CORO1C: variants seen among roughly 807,000 people sequenced by gnomAD.
CORO1C encodes the protein coronin 1C, also known as coronin-1C.
A neutral mutation model predicts 51.2 loss-of-function variants in CORO1C; 14 were observed. That is an observed-to-expected ratio of 0.27 (90% CI 0.18 to 0.43). CORO1C has a LOEUF of 0.43. CORO1C is among the 20% of genes least tolerant of loss of function. The probability of loss-of-function intolerance (pLI) is 1.00; values close to 1 mark genes in which losing one functional copy is unlikely to be tolerated. For missense variants in CORO1C, 417 were observed against 607.8 expected, an observed-to-expected ratio of 0.69 and a Z score of 3.30; for synonymous variants, 181 against 210.5, an observed-to-expected ratio of 0.86 and a Z score of 1.21.
chr12:108,702,685 G>A (rs2034910768), intron 1 of CORO1C: 6 of 1,177,070 alleles, frequency 5.1e-6, no homozygotes, highest in African/African-American at 4.7e-5. Flanking sequence ...CATGCCAGAC[G>A]AGACACATGG....
chr12:108,715,761 A>C (rs899622427), intron 1 of CORO1C, among the ~76,000 whole-genome samples: 2 of 151,540 alleles, frequency 1.3e-5, no homozygotes, highest in Non-Finnish European at 2.9e-5. Flanking sequence ...CAACTCAAAG[A>C]GCCAAATTAA....
At chr12:108,657,219 A>G (rs2033065408) in intron 6 of CORO1C, 85 bp downstream of exon 6, 3 of 1,508,676 alleles carry the variant, frequency 2.0e-6, no homozygotes, top group Non-Finnish European at 1.8e-6. Flanking sequence ...TAAGAATCCC[A>G]TAATCTACTT....
At chr12:108,654,432 T>TACATAC in intron 6 of CORO1C, 22 bp from the exon 7 acceptor site, 2 of 1,330,232 alleles carry the variant, frequency 1.5e-6, no homozygotes, top group Non-Finnish European at 2.2e-6. Flanking sequence ...ATAATAATAA[T>TACATAC]ACATATATGT....
chr12:108,674,144 A>G (rs2033816148), intron 3 of CORO1C, among the ~76,000 whole-genome samples: 1 of 152,238 alleles, frequency 6.6e-6, no homozygotes, highest in South Asian at 2.1e-4. Context: ...GCTAACATCA[A>G]TTCTGCAGCC....
At chr12:108,722,711 G>A (rs1041538060) in intron 1 of CORO1C, among the ~76,000 whole-genome samples, 1 of 152,160 alleles carries the variant, frequency 6.6e-6, no homozygotes, top group Non-Finnish European at 1.5e-5. Flanking sequence ...TTGAGTTGGG[G>A]ACCAAATGTA....
intron 1 of CORO1C, among the ~76,000 whole-genome samples, chr12:108,716,771 C>A (rs1330431111): frequency 6.6e-6 from 1 of 152,210 alleles, no homozygotes; most frequent in Non-Finnish European, 1.5e-5. Context: ...CCCAGTAAAA[C>A]AGACACAACT....
At chr12:108,669,401 CATTACAAAAA>C (rs2033624240) in intron 3 of CORO1C, among the ~76,000 whole-genome samples, 1 of 152,104 alleles carries the variant, frequency 6.6e-6, no homozygotes, top group Non-Finnish European at 1.5e-5. Flanking sequence ...TCAAAATCCC[CATTACAAAAA>C]ATAACAGTCC....
At chr12:108,726,465 C>A (rs1392149704) in intron 1 of CORO1C, among the ~76,000 whole-genome samples, 1 of 150,774 alleles carries the variant, frequency 6.6e-6, no homozygotes, top group African/African-American at 2.4e-5. Flanking sequence ...CAAAATATAA[C>A]TAAAGAATAC....
intron 2 of CORO1C, among the ~76,000 whole-genome samples, chr12:108,699,487 A>G (rs958232294): frequency 6.6e-6 from 1 of 152,264 alleles, no homozygotes; most frequent in African/African-American, 2.4e-5. Flanking sequence ...AAGGGGAAAT[A>G]AAAACTCGTA....
intron 1 of CORO1C, among the ~76,000 whole-genome samples, chr12:108,729,390 T>C (rs562881077): frequency 1.9e-3 from 259 of 135,992 alleles, no homozygotes; most frequent in African/African-American, 6.2e-3. Flanking sequence ...GTTTCATCGG[T>C]ATGTATCTAT....
intron 3 of CORO1C, among the ~76,000 whole-genome samples, chr12:108,676,267 A>G (rs2033906354): frequency 6.6e-6 from 1 of 152,178 alleles, no homozygotes; most frequent in African/African-American, 2.4e-5. Flanking sequence ...ACTTTTTGAC[A>G]TGGAAGGTGG....
In CORO1C at chr12:108,647,302, G is replaced by T; in HGVS notation, c.*101C>A. The T allele has an allele frequency of 9.6e-7, 1 of 1,043,412 alleles. No individual in the cohort carries two copies. The highest frequency in any genetic ancestry group is 1.4e-6 in the Non-Finnish European group (1 of 738,084). The allele number at this position is 1,043,412 out of a possible 1,614,324, so 64.6% of individuals were successfully genotyped here. A position where few individuals can be genotyped will look rare whatever the true frequency, so the allele number is the denominator to read the frequency against. ...ATCTGAAATGGAATGTCTCCAAATG[G>T]CAGTGCCTCCCTTTCCGCCCTCCCT... On this transcript the variant is annotated 3_prime_UTR_variant, in exon 11 of 11. Transcript: ENST00000261401.
intron 1 of CORO1C, chr12:108,730,063 A>C (rs1253287461): frequency 6.6e-6 from 1 of 152,252 alleles, no homozygotes; most frequent in Non-Finnish European, 1.5e-5. Flanking sequence ...TATATTCGCC[A>C]CCCAGGACCA....
intron 1 of CORO1C, among the ~76,000 whole-genome samples, chr12:108,718,967 A>G (rs2035408415): frequency 6.6e-6 from 1 of 152,226 alleles, no homozygotes; most frequent in Admixed American, 6.5e-5. Context: ...AGGGAAGTGA[A>G]GACAAATAAA....
At chr12:108,656,925 G>A (rs1430715981) in intron 6 of CORO1C, among the ~76,000 whole-genome samples, 1 of 152,090 alleles carries the variant, frequency 6.6e-6, no homozygotes, top group Non-Finnish European at 1.5e-5. Flanking sequence ...AGGCCGCAGG[G>A]TCCTCTCCCT....
chr12:108,729,964 C>T (rs183547614), intron 1 of CORO1C, among the ~76,000 whole-genome samples: 33 of 152,254 alleles, frequency 2.2e-4, no homozygotes, highest in African/African-American at 7.9e-4. Flanking sequence ...ACTAAGAGCC[C>T]TACAAGTACT....
chr12:108,700,526 A>G (rs2034833836), intron 2 of CORO1C, among the ~76,000 whole-genome samples: 2 of 152,168 alleles, frequency 1.3e-5, no homozygotes, highest in South Asian at 2.1e-4. Flanking sequence ...AACCATTCTC[A>G]GTAAAGATCT....
chr12:108,697,883 A>C (rs2136861423), intron 2 of CORO1C, among the ~76,000 whole-genome samples: 1 of 152,354 alleles, frequency 6.6e-6, no homozygotes, highest in East Asian at 1.9e-4. Flanking sequence ...TCAACTGTAA[A>C]ATGTATAACC....
At chr12:108,683,929 A>C (rs896539802) in intron 2 of CORO1C, among the ~76,000 whole-genome samples, 10 of 152,234 alleles carry the variant, frequency 6.6e-5, no homozygotes, top group African/African-American at 2.2e-4. Flanking sequence ...TACAAAGGAC[A>C]GTATAAGGGA....
Sources: allele counts gnomAD v4.1 joint callset (sites outside exome capture counted in the v4.1 genomes callset), GRCh38; gene constraint gnomAD v4.1.1; transcripts MANE v1.5; gene names NCBI Gene and HGNC (gene_info 2026-07-23, HGNC 2026-07-21).